The following CD96 variants were observed in gnomAD, a reference collection of about 807,000 sequenced individuals.
CD96 encodes CD96 molecule, also known as T-cell surface protein tactile.
CD96 carries 70 observed loss-of-function variants against 71.3 expected under a neutral mutation model. The ratio of observed to expected loss-of-function variants is 0.98; its 90% CI spans 0.81 to 1.20. The LOEUF (loss-of-function observed/expected upper bound fraction) is 1.20. CD96 is among the 50% of genes most tolerant of loss of function. The probability of loss-of-function intolerance (pLI) is 0.00; values close to 1 mark genes in which losing one functional copy is unlikely to be tolerated. For missense variants in CD96, 742 were observed against 677.5 expected, an observed-to-expected ratio of 1.10 and a Z score of -1.06; for synonymous variants, 248 against 233.0, an observed-to-expected ratio of 1.06 and a Z score of -0.59.
chr3:111,637,249 T>C lies in CD96; in HGVS notation c.1375T>C (p.Ser459Pro). The change falls in exon 11 of 14, where the codon TCA (serine) becomes CCA (proline). Residue 459 changes from serine to proline, a missense_variant. Transcript: ENST00000352690. ...CAGTTCATCCCCGTCAGGTGCAGGC[T>C]CAACACTTCATGGTGAGTACTTGGG... ...TYSSSPSGAG[S>P]TLHDNVFTST... 1 of 1,561,830 alleles carries C rather than the reference T, an allele frequency of 6.4e-7. No homozygotes were observed. Among genetic ancestry groups the C allele is most frequent in the Non-Finnish European group, 8.8e-7 (1 of 1,132,234 alleles).
intron 3 of CD96, among the ~76,000 whole-genome samples, chr3:111,569,866 C>G (rs767743973): frequency 7.9e-5 from 12 of 152,188 alleles, no homozygotes; most frequent in Admixed American, 2.6e-4. Flanking sequence ...ATCCAGATGA[C>G]CCACTTTCCT....
intron 10 of CD96, chr3:111,634,089 T>G (rs575990652): frequency 1.2e-3 from 185 of 153,044 alleles, no homozygotes; most frequent in African/African-American, 4.0e-3. Flanking sequence ...GACTTTGATA[T>G]GACACTAAGT....
At chr3:111,625,367 C>A (rs1224453326) in intron 10 of CD96, among the ~76,000 whole-genome samples, 4 of 152,060 alleles carry the variant, frequency 2.6e-5, no homozygotes, top group East Asian at 3.8e-4. Context: ...TAACATATTT[C>A]TTTTAATAAA....
Position 111,649,893 on chromosome 3 carries a change from C to T in CD96, c.*87C>T. On this transcript the variant is annotated 3_prime_UTR_variant, in exon 14 of 14. Transcript: ENST00000352690. ...GTGCTTTATTAATATAGTCGCTCTT[C>T]AGCCATGCCTTTGCTGCAGCTGAAA... 1.1e-6 allele frequency: 1 copy of T among 889,844 alleles called. No individual in the cohort carries two copies. Among genetic ancestry groups the T allele is most frequent in the Non-Finnish European group, 1.9e-6 (1 of 529,146 alleles). The allele number at this position is 889,844 out of a possible 1,614,324, so 55.1% of individuals were successfully genotyped here. A position where few individuals can be genotyped will look rare whatever the true frequency, so the allele number is the denominator to read the frequency against.
intron 10 of CD96, among the ~76,000 whole-genome samples, chr3:111,631,547 T>C (rs919469875): frequency 6.6e-6 from 1 of 152,054 alleles, no homozygotes; most frequent in Non-Finnish European, 1.5e-5. Context: ...ATCAGTATCA[T>C]GAAAATGCCC....
chr3:111,556,908 G>A (rs1449533483), intron 2 of CD96, among the ~76,000 whole-genome samples: 2 of 132,996 alleles, frequency 1.5e-5, no homozygotes, highest in East Asian at 4.6e-4. Context: ...TAACTGGTGT[G>A]AGATGGTATC....
At chr3:111,578,912 C>T in intron 3 of CD96, 115 bp from the exon 4 acceptor site, 1 of 729,304 alleles carries the variant, frequency 1.4e-6, no homozygotes, top group Non-Finnish European at 2.6e-6. Context: ...TAATTTCAAT[C>T]CTTCATTCTT....
rs982304632 is a variant in CD96, at chr3:111,652,187, G to C, written c.*2381G>C. Reference sequence around the variant, plus strand: ...TTTTGAGTATAATTTGTTACATAGCGACAGATAACTATACAGCTCAACAAC... The same window carrying C: ...TTTTGAGTATAATTTGTTACATAGCCACAGATAACTATACAGCTCAACAAC... On this transcript the variant is annotated 3_prime_UTR_variant, in exon 14 of 14. Transcript: ENST00000352690. The C allele has an allele frequency of 6.6e-6, 1 of 151,980 alleles. No individual in the cohort carries two copies. The highest frequency in any genetic ancestry group is 2.4e-5 in the African/African-American group (1 of 41,356). 9.4% of individuals were successfully genotyped at this position (151,980 alleles called of 1,614,324 possible). A position where few individuals can be genotyped will look rare whatever the true frequency, so the allele number is the denominator to read the frequency against.
chr3:111,595,945 T>C (rs903670507), intron 5 of CD96, among the ~76,000 whole-genome samples: 7 of 151,990 alleles, frequency 4.6e-5, no homozygotes, highest in African/African-American at 1.7e-4. Flanking sequence ...GTGGATCACT[T>C]GAGGTCAGGA....
At chr3:111,638,591 A>G (rs1939446873) in intron 12 of CD96, among the ~76,000 whole-genome samples, 2 of 152,230 alleles carry the variant, frequency 1.3e-5, no homozygotes, top group Admixed American at 1.3e-4. Flanking sequence ...AATTCAACTA[A>G]TATAATATTG....
intron 2 of CD96, among the ~76,000 whole-genome samples, chr3:111,551,956 A>T (rs1037230670): frequency 2.0e-5 from 3 of 152,118 alleles, no homozygotes; most frequent in African/African-American, 7.2e-5. Flanking sequence ...CTTCACCAGC[A>T]TCTGTTCTTT....
At chr3:111,562,714 G>A (rs1339424487) in intron 2 of CD96, among the ~76,000 whole-genome samples, 2 of 152,232 alleles carry the variant, frequency 1.3e-5, no homozygotes, top group African/African-American at 2.4e-5. Flanking sequence ...TGCATTCAAA[G>A]TTGCAGCCAG....
rs202114773 is a variant in CD96 at position 111,593,966 on chromosome 3, C to T, written c.808-4154C>T. On this transcript the variant is annotated intron_variant, in intron 5 of 13. Transcript: ENST00000352690. ...ACGGCTCACCTGCCTGCCACACAGG[C>T]GGCAGGTGGCATACTGGTTGGGATG... 1.8e-5 allele frequency: 29 copies of T among 1,614,102 alleles called. No individual in the cohort carries two copies. Among genetic ancestry groups the T allele is most frequent in the Middle Eastern group, 1.6e-4 (1 of 6,062 alleles).
chr3:111,565,565 G>A (rs62275478), intron 2 of CD96, among the ~76,000 whole-genome samples: 8,069 of 151,878 alleles, frequency 0.053, 301 homozygotes, highest in Middle Eastern at 0.075. Context: ...AATAATTTAA[G>A]AATAAAATTA....
intron 8 of CD96, among the ~76,000 whole-genome samples, chr3:111,619,493 A>G (rs1238307821): frequency 1.3e-5 from 2 of 152,336 alleles, no homozygotes; most frequent in East Asian, 3.9e-4. Context: ...ATTTACATTG[A>G]AGAAGGAATA....
chr3:111,576,261 T>C (rs1355450947), intron 3 of CD96, among the ~76,000 whole-genome samples: 2 of 152,226 alleles, frequency 1.3e-5, no homozygotes, highest in Admixed American at 6.5e-5. Flanking sequence ...GAAATAAGGC[T>C]GTCACATACA....
intron 14 of CD96, among the ~76,000 whole-genome samples, chr3:111,662,305 G>C (rs763811226): frequency 6.6e-6 from 1 of 152,246 alleles, no homozygotes; most frequent in Non-Finnish European, 1.5e-5. Flanking sequence ...AGGTGCTGCT[G>C]TGAAGGTCTC....
intron 2 of CD96, among the ~76,000 whole-genome samples, chr3:111,548,133 T>C (rs991230622): frequency 2.0e-5 from 3 of 152,214 alleles, no homozygotes; most frequent in Non-Finnish European, 2.9e-5. Flanking sequence ...AACACTTATA[T>C]AGTACATAAA....
intron 2 of CD96, among the ~76,000 whole-genome samples, chr3:111,567,275 G>C (rs1319936846): frequency 6.6e-6 from 1 of 152,188 alleles, no homozygotes; most frequent in Non-Finnish European, 1.5e-5. Flanking sequence ...GCCAAATCAT[G>C]AGTTTGATTC....
Sources: gnomAD v4.1 joint callset for allele counts (sites outside exome capture counted in the v4.1 genomes callset) on GRCh38, gnomAD v4.1.1 for gene constraint, MANE v1.5 for transcripts, NCBI Gene and HGNC (gene_info 2026-07-23, HGNC 2026-07-21) for gene names.